The following TBX5 variants were observed in gnomAD, a reference collection of about 807,000 sequenced individuals.
TBX5 encodes T-box transcription factor 5.
TBX5 carries 8 observed loss-of-function variants against 51.1 expected under a neutral mutation model. The observed-to-expected ratio is 0.16, with a 90% CI of 0.09 to 0.28. TBX5 has a LOEUF of 0.28. TBX5 is among the 10% of genes least tolerant of loss of function. TBX5 has a pLI of 1.00. For synonymous variants in TBX5, 302 were observed against 266.4 expected (o/e 1.13, Z -1.30); for missense variants, 589 against 671.7 (o/e 0.88, Z 1.36).
In TBX5 at chr12:114,354,281, GTTTCA is replaced by G. The variant is rs1868742513; in HGVS notation, c.*1246_*1250del. On this transcript the variant is annotated 3_prime_UTR_variant, in exon 9 of 9. Transcript: ENST00000405440. ...AGCTCTTGGCCAGCTCCTATGCTGG[GTTTCA>G]TTTCATGTTATTACTTAATTAGAAT... The G allele has an allele frequency of 4.6e-5, 7 of 152,132 alleles. No individual in the cohort carries two copies. Among genetic ancestry groups the G allele is most frequent in the Admixed American group, 4.6e-4 (7 of 15,254 alleles). The allele number at this position is 152,132 out of a possible 1,614,324, so 9.4% of individuals were successfully genotyped here.
At chr12:114,395,308 A>G (rs1413643140) in intron 5 of TBX5, among the ~76,000 whole-genome samples, 1 of 152,100 alleles carries the variant, frequency 6.6e-6, no homozygotes, top group Non-Finnish European at 1.5e-5. Flanking sequence ...CAAACAAACA[A>G]CAAACATAGA....
chr12:114,372,064 A>G (rs575617691), intron 7 of TBX5, among the ~76,000 whole-genome samples: 61 of 152,274 alleles, frequency 4.0e-4, no homozygotes, highest in Non-Finnish European at 7.4e-4. Flanking sequence ...GGGCGTGGAC[A>G]TAGAGCATGG....
chr12:114,357,301 TG>T (rs1868980291), intron 8 of TBX5, among the ~76,000 whole-genome samples: 1 of 152,184 alleles, frequency 6.6e-6, no homozygotes, highest in Admixed American at 6.5e-5. Flanking sequence ...GAAAAAGTGC[TG>T]GGCTCTTTCC....
intron 1 of TBX5, 160 bp from the exon 2 acceptor site, chr12:114,404,096 C>T (rs1872033449): frequency 1.2e-5 from 8 of 675,738 alleles, no homozygotes; most frequent in Non-Finnish European, 1.5e-5. Context: ...GCAGAAGGCC[C>T]TAGAATTATT....
rs1872186511 is a variant in TBX5, at chr12:114,405,883, G to T, written c.-294C>A. 1 of 985,356 alleles carries T rather than the reference G, an allele frequency of 1.0e-6. No homozygotes were observed. Among genetic ancestry groups the T allele is most frequent in the Non-Finnish European group, 1.2e-6 (1 of 829,994 alleles). The allele number at this position is 985,356 out of a possible 1,614,324, so 61.0% of individuals were successfully genotyped here. On this transcript the variant is annotated 5_prime_UTR_variant, in exon 1 of 9. Transcript: ENST00000405440. ...TACTTCCCAGTTGGCAAGCGCCAAA[G>T]AACACAAAATAGCCTCCAAGAGCAC...
At chr12:114,366,897 G>A (rs1001992783) in intron 7 of TBX5, among the ~76,000 whole-genome samples, 2 of 152,154 alleles carry the variant, frequency 1.3e-5, no homozygotes, top group Non-Finnish European at 2.9e-5. Flanking sequence ...ACTCTCATCT[G>A]GATAGATTGC....
At chr12:114,363,381 G>T (rs931354051) in intron 8 of TBX5, among the ~76,000 whole-genome samples, 1 of 152,164 alleles carries the variant, frequency 6.6e-6, no homozygotes, top group East Asian at 1.9e-4. Context: ...TTTGTGAACC[G>T]TGCATTCAAA....
intron 7 of TBX5, among the ~76,000 whole-genome samples, chr12:114,375,614 T>A (rs1226063992): frequency 1.3e-5 from 2 of 152,198 alleles, no homozygotes; most frequent in Non-Finnish European, 2.9e-5. Flanking sequence ...TTAGGATGGC[T>A]ATTCTCAAAA....
chr12:114,362,701 G>C (rs1192563775), intron 8 of TBX5, among the ~76,000 whole-genome samples: 1 of 152,058 alleles, frequency 6.6e-6, no homozygotes, highest in Middle Eastern at 3.2e-3. Flanking sequence ...GTCTCTCTCT[G>C]TCACACAGGC....
At chr12:114,384,371 G>A (rs1290605881) in intron 7 of TBX5, among the ~76,000 whole-genome samples, 1 of 151,952 alleles carries the variant, frequency 6.6e-6, no homozygotes, top group Non-Finnish European at 1.5e-5. Context: ...AAATTCCTGG[G>A]TTCAAGAAAT....
At position 114,405,828 on chromosome 12, in the gene TBX5, C is replaced by T. The variant is rs1872181527; in HGVS notation, c.-239G>A. 2 of 985,460 alleles carry T rather than the reference C, an allele frequency of 2.0e-6. No individual in the cohort carries two copies. The highest frequency in any genetic ancestry group is 1.7e-5 in the African/African-American group (1 of 57,242). 61.0% of individuals were successfully genotyped at this position (985,460 alleles called of 1,614,324 possible). On this transcript the variant is annotated 5_prime_UTR_variant, in exon 1 of 9. Transcript: ENST00000405440. ...GCGACTGCCCACCTCCAACACACAC[C>T]TCCTCTGCTGTGCGCTTGCTCTCCC... is the stretch of plus-strand genomic sequence containing the variant.
intron 7 of TBX5, among the ~76,000 whole-genome samples, chr12:114,384,597 A>G (rs1168459692): frequency 6.6e-6 from 1 of 152,084 alleles, no homozygotes; most frequent in Non-Finnish European, 1.5e-5. Flanking sequence ...TTGAATGAAT[A>G]TATCTGTCTA....
intron 7 of TBX5, among the ~76,000 whole-genome samples, chr12:114,368,704 C>A (rs1869692985): frequency 6.6e-6 from 1 of 152,188 alleles, no homozygotes; most frequent in African/African-American, 2.4e-5. Context: ...ACTCTTTCTA[C>A]TTCTACCCCC....
At chr12:114,408,058 G>T (rs533921054), upstream of TBX5, 1 of 985,416 alleles carries the variant, frequency 1.0e-6, no homozygotes, top group Non-Finnish European at 1.2e-6. Context: ...GCAACCAGGC[G>T]ATAGCGACTA....
At chr12:114,394,544 T>C (rs1265748322) in intron 6 of TBX5, among the ~76,000 whole-genome samples, 197 bp downstream of exon 6, 1 of 152,178 alleles carries the variant, frequency 6.6e-6, no homozygotes, top group African/African-American at 2.4e-5. Flanking sequence ...GTGGTGACTG[T>C]CAAGCCAAGC....
At chr12:114,377,422 G>T (rs969909972) in intron 7 of TBX5, among the ~76,000 whole-genome samples, 4 of 152,218 alleles carry the variant, frequency 2.6e-5, no homozygotes, top group Non-Finnish European at 4.4e-5. Flanking sequence ...ACAGCATTTT[G>T]CTCTGTTGCT....
At chr12:114,377,196 T>C (rs1305112103) in intron 7 of TBX5, among the ~76,000 whole-genome samples, 1 of 152,184 alleles carries the variant, frequency 6.6e-6, no homozygotes, top group African/African-American at 2.4e-5. Context: ...CCACTTCTCA[T>C]TAATTGGGCA....
intron 3 of TBX5, among the ~76,000 whole-genome samples, chr12:114,400,587 G>A (rs1252908151): frequency 2.0e-5 from 3 of 152,246 alleles, no homozygotes; most frequent in East Asian, 1.9e-4. Flanking sequence ...CTCCCTCCGA[G>A]CCCCGGAGCC....
chr12:114,393,989 A>AC (rs1184746067), intron 6 of TBX5, among the ~76,000 whole-genome samples: 1 of 152,206 alleles, frequency 6.6e-6, no homozygotes, highest in Non-Finnish European at 1.5e-5. Context: ...GATCCCGGCA[A>AC]CTTTGCCACC....
Sources: allele counts gnomAD v4.1 joint callset (sites outside exome capture counted in the v4.1 genomes callset), GRCh38; gene constraint gnomAD v4.1.1; transcripts MANE v1.5; gene names NCBI Gene and HGNC (gene_info 2026-07-23, HGNC 2026-07-21).